Variants in PTPRK observed in about 807,000 individuals in gnomAD.
PTPRK encodes the protein receptor-type tyrosine-protein phosphatase kappa.
A neutral mutation model predicts 178.0 loss-of-function variants in PTPRK; 75 were observed. The ratio of observed to expected loss-of-function variants is 0.42; its 90% confidence interval spans 0.35 to 0.51. PTPRK has a LOEUF of 0.51. Ranked by LOEUF, PTPRK falls within the 20% of genes least tolerant of loss-of-function variation. The pLI is 0.02. For synonymous variants in PTPRK, 637 were observed against 620.6 expected, an observed-to-expected ratio of 1.03 and a Z score of -0.39; for missense variants, 1,441 against 1,797.8, an observed-to-expected ratio of 0.80 and a Z score of 3.59.
intron 1 of PTPRK, chr6:128,409,155 G>C: frequency 3.3e-6 from 1 of 302,296 alleles, no homozygotes. Flanking sequence ...AACTACTTAT[G>C]GGAAGCAACA....
intron 15 of PTPRK, among the ~76,000 whole-genome samples, chr6:128,002,087 CT>C (rs1473433973): frequency 6.6e-6 from 1 of 151,512 alleles, no homozygotes; most frequent in African/African-American, 2.4e-5. Context: ...AGAACATTGA[CT>C]TTTCAGATTA....
At chr6:128,468,880 C>T (rs575143202) in intron 1 of PTPRK, among the ~76,000 whole-genome samples, 1 of 145,874 alleles carries the variant, frequency 6.9e-6, no homozygotes, top group East Asian at 2.0e-4. Context: ...AAAACACTGC[C>T]TCAAGCCAGG....
At chr6:128,379,466 T>G (rs924656289) in intron 2 of PTPRK, among the ~76,000 whole-genome samples, 1 of 152,156 alleles carries the variant, frequency 6.6e-6, no homozygotes, top group Non-Finnish European at 1.5e-5. Context: ...CACAATCATG[T>G]ATTATTTTGG....
At chr6:128,236,231 C>A (rs1217198795) in intron 5 of PTPRK, among the ~76,000 whole-genome samples, 1 of 151,300 alleles carries the variant, frequency 6.6e-6, no homozygotes, top group Non-Finnish European at 1.5e-5. Flanking sequence ...ATTTACAAAT[C>A]ATTAACCAAA....
At chr6:128,124,177 G>A (rs1031514918) in intron 7 of PTPRK, among the ~76,000 whole-genome samples, 1 of 151,818 alleles carries the variant, frequency 6.6e-6, no homozygotes, top group African/African-American at 2.4e-5. Flanking sequence ...CCCAGTAGCT[G>A]GGATTACAGG....
In PTPRK at chr6:128,082,594, C is replaced by A. The variant is rs1224043733; in HGVS notation, c.1620G>T (p.Val540=). 6.2e-7 allele frequency: 1 copy of A among 1,612,292 alleles called. No homozygotes were observed. The highest frequency in any genetic ancestry group is 2.2e-5 in the East Asian group (1 of 44,856). The change falls in exon 10 of 30, where the codon GTG becomes GTT. Residue 540 remains valine (V), a synonymous_variant. Transcript: ENST00000368226. ...SIRSFDPAVP[V]AGPPQTVSNL... ...TTGATACAGTCTGGGGAGGTCCAGC[C>A]ACTGGAACTGCAGGATCAAATGATC... is the stretch of plus-strand genomic sequence containing the variant.
intron 21 of PTPRK, 96 bp from the exon 22 acceptor site, chr6:127,985,971 G>A: frequency 2.5e-6 from 3 of 1,217,660 alleles, no homozygotes; most frequent in East Asian, 2.5e-5. Flanking sequence ...AACTGACAAT[G>A]ATAACAATAA....
intron 6 of PTPRK, among the ~76,000 whole-genome samples, chr6:128,198,583 T>C (rs1441737936): frequency 6.6e-6 from 1 of 152,166 alleles, no homozygotes; most frequent in Non-Finnish European, 1.5e-5. Context: ...GTAACAAAAC[T>C]GCACATTCTG....
intron 13 of PTPRK, among the ~76,000 whole-genome samples, chr6:128,021,792 G>A (rs940622211): frequency 1.5e-4 from 23 of 152,200 alleles, no homozygotes; most frequent in African/African-American, 5.3e-4. Context: ...AGTTTTAGAA[G>A]GAGCAAGGCT....
intron 1 of PTPRK, among the ~76,000 whole-genome samples, chr6:128,494,201 TA>T (rs11301155): frequency 0.26 from 28,794 of 112,864 alleles, 3,446 homozygotes; most frequent in African/African-American, 0.37. Flanking sequence ...CCCTGTATCT[TA>T]AAAAAAAAAA....
Position 127,992,670 on chromosome 6 carries a change from T to C in PTPRK, c.2881+3A>G. 1 of 1,590,056 alleles carries C rather than the reference T, an allele frequency of 6.3e-7. No homozygotes were observed. The highest frequency in any genetic ancestry group is 8.5e-7 in the Non-Finnish European group (1 of 1,170,020). ...TATAACATTTAACAAGGCAAAGTTT[T>C]ACCTTGGGTTGCAATGTAATGACTT... On this transcript the variant is annotated splice_donor_region_variant and intron_variant, in intron 19 of 29. Transcript: ENST00000368226.
chr6:128,448,128 G>A (rs1034105575), intron 1 of PTPRK, among the ~76,000 whole-genome samples: 9 of 152,046 alleles, frequency 5.9e-5, no homozygotes, highest in East Asian at 3.9e-4. Context: ...TCTAACGCAC[G>A]TACACGCTAT....
intron 15 of PTPRK, 47 bp from the exon 16 acceptor site, chr6:127,998,951 C>A (rs745332362): frequency 2.8e-6 from 4 of 1,440,324 alleles, no homozygotes; most frequent in Non-Finnish European, 3.7e-6. Context: ...ACAAAGTTAT[C>A]TTGTTTAATA....
intron 1 of PTPRK, among the ~76,000 whole-genome samples, chr6:128,495,608 C>CCTA (rs1293507962): frequency 6.6e-6 from 1 of 152,182 alleles, no homozygotes; most frequent in Non-Finnish European, 1.5e-5. Flanking sequence ...CTTCTCTCAC[C>CCTA]CTACAGTCAC....
chr6:128,017,563 G>C (rs1278335949), intron 13 of PTPRK, among the ~76,000 whole-genome samples: 1 of 151,178 alleles, frequency 6.6e-6, no homozygotes, highest in Non-Finnish European at 1.5e-5. Context: ...CCATATGGGA[G>C]TCCCAGGCTA....
chr6:128,095,638 G>A (rs1323502047), intron 7 of PTPRK, among the ~76,000 whole-genome samples: 1 of 152,136 alleles, frequency 6.6e-6, no homozygotes, highest in Non-Finnish European at 1.5e-5. Flanking sequence ...ACTAAGCAGA[G>A]GAATTAAGAA....
chr6:128,428,844 C>T (rs1028438248), intron 1 of PTPRK, among the ~76,000 whole-genome samples: 1 of 152,144 alleles, frequency 6.6e-6, no homozygotes, highest in African/African-American at 2.4e-5. Context: ...ACTTTCAATA[C>T]AGTATTCAAT....
chr6:128,188,806 C>T (rs906273755), intron 6 of PTPRK, among the ~76,000 whole-genome samples: 1 of 152,136 alleles, frequency 6.6e-6, no homozygotes, highest in Admixed American at 6.6e-5. Context: ...GTATTCCTGT[C>T]CCTCCAAATT....
At chr6:128,034,842 A>G (rs542620992) in intron 13 of PTPRK, among the ~76,000 whole-genome samples, 1 of 152,320 alleles carries the variant, frequency 6.6e-6, no homozygotes, top group African/African-American at 2.4e-5. Flanking sequence ...GATTGTGTGA[A>G]ATGTTTAAAC....
Sources: gnomAD v4.1 joint callset for allele counts (sites outside exome capture counted in the v4.1 genomes callset) on GRCh38, gnomAD v4.1.1 for gene constraint, MANE v1.5 for transcripts, NCBI Gene and HGNC (gene_info 2026-07-23, HGNC 2026-07-21) for gene names.